RETREG1: variants seen among roughly 807,000 people sequenced by gnomAD.
The protein encoded by RETREG1 is family with sequence similarity 134 member B.
RETREG1 carries 44 observed loss-of-function variants against 54.8 expected under a neutral mutation model. The observed-to-expected ratio is 0.80, with a 90% CI of 0.63 to 1.03. RETREG1 has a LOEUF of 1.03. Ranked by LOEUF, RETREG1 falls within the 50% of genes least tolerant of loss-of-function variation. The pLI is 0.00. For synonymous variants in RETREG1, 217 were observed against 238.5 expected, an observed-to-expected ratio of 0.91 and a Z score of 0.83; for missense variants, 554 against 605.1, an observed-to-expected ratio of 0.92 and a Z score of 0.89.
intron 3 of RETREG1, among the ~76,000 whole-genome samples, chr5:16,526,512 C>G (rs1034009176): frequency 6.6e-6 from 1 of 152,130 alleles, no homozygotes; most frequent in Admixed American, 6.5e-5. Flanking sequence ...TATAAAGACC[C>G]TTAGTCAGGA....
intron 3 of RETREG1, among the ~76,000 whole-genome samples, chr5:16,531,052 T>C: frequency 6.6e-6 from 1 of 152,208 alleles, no homozygotes; most frequent in South Asian, 2.1e-4. Context: ...CTCCTATTCA[T>C]TCATTTTAAT....
intron 7 of RETREG1, 93 bp from the exon 8 acceptor site, chr5:16,477,881 A>G (rs1224600958): frequency 6.7e-7 from 1 of 1,499,872 alleles, no homozygotes; most frequent in African/African-American, 1.4e-5. Flanking sequence ...ATGACAGAGT[A>G]ATAAAAACCA....
At chr5:16,517,957 T>A (rs1313922362) in intron 3 of RETREG1, among the ~76,000 whole-genome samples, 1 of 151,754 alleles carries the variant, frequency 6.6e-6, no homozygotes, top group African/African-American at 2.4e-5. Context: ...TTAAAAAGGA[T>A]GACATTGTTA....
chr5:16,574,167 G>A lies in RETREG1; in HGVS notation c.321-2065C>T, dbSNP rs1742265984. Among the ~76,000 whole-genome samples the A allele has an allele frequency of 2.0e-5, 3 of 149,440 alleles. No homozygotes were observed. In the South Asian group the frequency reaches 6.4e-4, roughly 32 times the overall value. Reference sequence around the variant, plus strand: ...GAACCAAAGATCAGACTCAGGAAAGGGTGAGGTACCTGTGGCACATCAAGT... The same window carrying A: ...GAACCAAAGATCAGACTCAGGAAAGAGTGAGGTACCTGTGGCACATCAAGT... On this transcript the variant is annotated intron_variant, in intron 1 of 8. Coordinates refer to ENST00000306320, the MANE Select transcript of RETREG1 (RefSeq NM_001034850.3).
intron 3 of RETREG1, among the ~76,000 whole-genome samples, chr5:16,493,050 T>A (rs1188687022): frequency 6.6e-6 from 1 of 152,174 alleles, no homozygotes; most frequent in Admixed American, 6.5e-5. Context: ...GAGAGCCCCA[T>A]CTTCCTCAGA....
intron 3 of RETREG1, among the ~76,000 whole-genome samples, chr5:16,525,417 C>A (rs552426270): frequency 9.9e-5 from 15 of 152,192 alleles, no homozygotes; most frequent in African/African-American, 3.6e-4. Context: ...CAGCTGACCT[C>A]ATGTGAGGAG....
At chr5:16,564,137 A>G (rs1741944012) in intron 3 of RETREG1, among the ~76,000 whole-genome samples, 1 of 152,174 alleles carries the variant, frequency 6.6e-6, no homozygotes, top group Admixed American at 6.5e-5. Context: ...TTAAATTCTC[A>G]GTTTGCTTTT....
chr5:16,480,239 T>C (rs960949818), intron 5 of RETREG1, among the ~76,000 whole-genome samples: 3 of 152,212 alleles, frequency 2.0e-5, no homozygotes, highest in Non-Finnish European at 4.4e-5. Context: ...ATAAATGGAA[T>C]CACACTTTTT....
At chr5:16,520,040 G>C (rs1421879017) in intron 3 of RETREG1, among the ~76,000 whole-genome samples, 1 of 152,166 alleles carries the variant, frequency 6.6e-6, no homozygotes, top group Non-Finnish European at 1.5e-5. Flanking sequence ...GGTATGTTGA[G>C]GCCAAGCTAC....
intron 3 of RETREG1, among the ~76,000 whole-genome samples, chr5:16,506,194 T>C (rs1336819655): frequency 6.6e-6 from 1 of 152,146 alleles, no homozygotes; most frequent in African/African-American, 2.4e-5. Flanking sequence ...CTTCCACTGA[T>C]TTTTTTAAAA....
At chr5:16,577,304 C>G (rs1439009972) in intron 1 of RETREG1, among the ~76,000 whole-genome samples, 2 of 131,826 alleles carry the variant, frequency 1.5e-5, no homozygotes, top group Non-Finnish European at 3.2e-5. Flanking sequence ...TTTTTTTTTT[C>G]CCTCTAAAAC....
intron 1 of RETREG1, among the ~76,000 whole-genome samples, chr5:16,591,023 A>C (rs542104042): frequency 6.6e-6 from 1 of 152,288 alleles, no homozygotes; most frequent in East Asian, 1.9e-4. Context: ...CAGTCCAAAA[A>C]CCAATTGAGA....
At chr5:16,568,274 C>CT (rs70940379) in intron 2 of RETREG1, among the ~76,000 whole-genome samples, 177 of 141,766 alleles carry the variant, frequency 1.2e-3, no homozygotes, top group South Asian at 1.4e-3. Context: ...ATATCACTGA[C>CT]TTTTTTTTTT....
intron 3 of RETREG1, among the ~76,000 whole-genome samples, chr5:16,560,682 C>T (rs145196279): frequency 1.6e-3 from 247 of 152,312 alleles, no homozygotes; most frequent in African/African-American, 5.8e-3. Context: ...ACCCTAATCC[C>T]ACATGGCTCA....
chr5:16,559,771 G>C (rs886820152), intron 3 of RETREG1, among the ~76,000 whole-genome samples: 1 of 152,168 alleles, frequency 6.6e-6, no homozygotes, highest in Admixed American at 6.5e-5. Flanking sequence ...ATACAGAAAA[G>C]GTCACATGCA....
intron 1 of RETREG1, among the ~76,000 whole-genome samples, chr5:16,614,927 A>G (rs1743448426): frequency 6.6e-6 from 1 of 152,208 alleles, no homozygotes; most frequent in Non-Finnish European, 1.5e-5. Flanking sequence ...TGAAATGTGC[A>G]CTATCTGGAA....
intron 1 of RETREG1, among the ~76,000 whole-genome samples, chr5:16,612,828 C>T (rs1383921725): frequency 1.3e-5 from 2 of 152,060 alleles, no homozygotes; most frequent in Non-Finnish European, 2.9e-5. Flanking sequence ...GTCTCGGATT[C>T]GAGAATGTCT....
intron 2 of RETREG1, among the ~76,000 whole-genome samples, chr5:16,570,792 G>A (rs1245641404): frequency 6.6e-6 from 1 of 152,152 alleles, no homozygotes; most frequent in Non-Finnish European, 1.5e-5. Flanking sequence ...ATCACAACAA[G>A]TGCCTGTTTG....
chr5:16,483,114 T>C (rs1423231642), intron 4 of RETREG1: 13 of 512,260 alleles, frequency 2.5e-5, no homozygotes, highest in Non-Finnish European at 3.5e-5. Flanking sequence ...ATGAGCTAGA[T>C]AAATATATAT....
Sources: allele counts gnomAD v4.1 joint callset (sites outside exome capture counted in the v4.1 genomes callset), GRCh38; gene constraint gnomAD v4.1.1; transcripts MANE v1.5; gene names NCBI Gene and HGNC (gene_info 2026-07-23, HGNC 2026-07-21).